Variants in THSD7B observed in about 807,000 individuals in gnomAD.
THSD7B encodes the protein thrombospondin type 1 domain containing 7B, also known as thrombospondin type-1 domain-containing protein 7B.
In THSD7B, 138 loss-of-function variants were observed where a neutral mutation model predicts 213.6. That is an observed-to-expected ratio of 0.65 (90% CI 0.56 to 0.74). THSD7B has a LOEUF of 0.74. Ranked by LOEUF, THSD7B falls within the 30% of genes least tolerant of loss-of-function variation. The pLI, the probability that THSD7B is intolerant of heterozygous loss-of-function variation, is 0.00. For missense variants in THSD7B, 1,931 were observed against 1,991.5 expected, an observed-to-expected ratio of 0.97 and a Z score of 0.58; for synonymous variants, 742 against 687.0, an observed-to-expected ratio of 1.08 and a Z score of -1.25.
chr2:136,904,269 G>A (rs1684116952), intron 2 of THSD7B, among the ~76,000 whole-genome samples: 1 of 152,102 alleles, frequency 6.6e-6, no homozygotes, highest in Non-Finnish European at 1.5e-5. Context: ...GGATAAGCCT[G>A]GGCAGTGTGG....
chr2:136,822,723 A>G (rs1682585284), intron 1 of THSD7B, among the ~76,000 whole-genome samples: 1 of 152,212 alleles, frequency 6.6e-6, no homozygotes, highest in African/African-American at 2.4e-5. Context: ...AAGATGGCCC[A>G]GGGCATACAC....
At chr2:137,052,282 A>G (rs1210337533) in intron 2 of THSD7B, among the ~76,000 whole-genome samples, 2 of 152,206 alleles carry the variant, frequency 1.3e-5, no homozygotes, top group Non-Finnish European at 2.9e-5. Flanking sequence ...TGTTTGCCCA[A>G]GTAAACAGAT....
chr2:137,386,886 T>C (rs1233576294), intron 12 of THSD7B, among the ~76,000 whole-genome samples: 1 of 152,206 alleles, frequency 6.6e-6, no homozygotes, highest in Non-Finnish European at 1.5e-5. Context: ...AGCAATTCTT[T>C]TTAAAAAATT....
chr2:137,004,858 T>G (rs1237023899), intron 2 of THSD7B, among the ~76,000 whole-genome samples: 1 of 152,240 alleles, frequency 6.6e-6, no homozygotes, highest in Non-Finnish European at 1.5e-5. Context: ...TACTGTAAAA[T>G]ATATTTTACC....
chr2:137,302,774 T>C (rs1683637409), intron 12 of THSD7B, among the ~76,000 whole-genome samples: 1 of 152,184 alleles, frequency 6.6e-6, no homozygotes, highest in Non-Finnish European at 1.5e-5. Context: ...AAAGATGTTC[T>C]TAAAAGCGAG....
At chr2:137,121,623 G>A in intron 5 of THSD7B, among the ~76,000 whole-genome samples, 1 of 152,128 alleles carries the variant, frequency 6.6e-6, no homozygotes. Context: ...TCATACTCCT[G>A]TAGGACATCA....
chr2:137,005,368 T>A (rs1024998578), intron 2 of THSD7B, among the ~76,000 whole-genome samples: 2 of 152,226 alleles, frequency 1.3e-5, no homozygotes, highest in African/African-American at 4.8e-5. Flanking sequence ...GAAAATATCA[T>A]CTGCTATCTT....
intron 2 of THSD7B, among the ~76,000 whole-genome samples, chr2:137,009,567 G>GC (rs1686185178): frequency 6.6e-6 from 1 of 152,122 alleles, no homozygotes; most frequent in South Asian, 2.1e-4. Flanking sequence ...GGCTGAGGAG[G>GC]CCTCATAATC....
intron 3 of THSD7B, among the ~76,000 whole-genome samples, chr2:137,063,739 AT>A (rs1466244754): frequency 6.6e-6 from 1 of 151,826 alleles, no homozygotes; most frequent in Non-Finnish European, 1.5e-5. Context: ...AATTGTTTTA[AT>A]TTTTCGTTGT....
chr2:137,366,637 A>G (rs1685414813), intron 12 of THSD7B, among the ~76,000 whole-genome samples: 1 of 152,054 alleles, frequency 6.6e-6, no homozygotes, highest in Non-Finnish European at 1.5e-5. Context: ...AAAAAAAAAA[A>G]TAGAAGAAAA....
rs1416924371 is a variant in THSD7B, at chr2:136,765,603, G to A, written c.-120G>A. 1 of 149,212 alleles carries A rather than the reference G, an allele frequency of 6.7e-6. No homozygotes were observed. The highest frequency in any genetic ancestry group is 1.5e-5 in the Non-Finnish European group (1 of 67,914). The allele number at this position is 149,212 out of a possible 1,614,324, so 9.2% of individuals were successfully genotyped here. A position where few individuals can be genotyped will look rare whatever the true frequency, so the allele number is the denominator to read the frequency against. ...CAGACGCTGGAATGGGTGGTCTTCC[G>A]ACACACACCACCATCTTTCTTGCGC... On this transcript the variant is annotated 5_prime_UTR_variant, in exon 1 of 28. Transcript: ENST00000409968.
At chr2:137,118,672 GT>G (rs1688487539) in intron 5 of THSD7B, among the ~76,000 whole-genome samples, 2 of 152,098 alleles carry the variant, frequency 1.3e-5, no homozygotes, top group African/African-American at 4.8e-5. Context: ...TAATAAGATT[GT>G]CTTCATTCTG....
At chr2:137,089,783 C>T (rs1687916336) in intron 3 of THSD7B, among the ~76,000 whole-genome samples, 1 of 152,060 alleles carries the variant, frequency 6.6e-6, no homozygotes, top group African/African-American at 2.4e-5. Context: ...CCAAAGAGGG[C>T]AGATCACCTG....
chr2:136,843,672 C>G (rs1682952596), intron 1 of THSD7B, among the ~76,000 whole-genome samples: 1 of 152,148 alleles, frequency 6.6e-6, no homozygotes, highest in Non-Finnish European at 1.5e-5. Flanking sequence ...TTACTGATAT[C>G]TACAGCTGAT....
chr2:137,077,750 A>G (rs1017196736), intron 3 of THSD7B, among the ~76,000 whole-genome samples: 10 of 149,662 alleles, frequency 6.7e-5, no homozygotes, highest in Non-Finnish European at 1.3e-4. Flanking sequence ...AGTAGGTTGC[A>G]AAAATTTTCT....
intron 15 of THSD7B, among the ~76,000 whole-genome samples, chr2:137,490,455 C>A (rs1169712579): frequency 2.0e-5 from 3 of 152,024 alleles, no homozygotes; most frequent in Non-Finnish European, 4.4e-5. Context: ...TTTAATTAGA[C>A]ATTATTTTTA....
chr2:136,927,379 T>G (rs1684555793), intron 2 of THSD7B, among the ~76,000 whole-genome samples: 1 of 152,226 alleles, frequency 6.6e-6, no homozygotes, highest in African/African-American at 2.4e-5. Flanking sequence ...GCAAGAATAT[T>G]AAGAAATGGT....
At chr2:137,127,394 A>G (rs1263745878) in intron 5 of THSD7B, among the ~76,000 whole-genome samples, 1 of 152,198 alleles carries the variant, frequency 6.6e-6, no homozygotes, top group African/African-American at 2.4e-5. Context: ...AACACACTGC[A>G]TACCTAATGA....
intron 12 of THSD7B, among the ~76,000 whole-genome samples, chr2:137,400,360 GC>G (rs1558784350): frequency 6.6e-6 from 1 of 151,930 alleles, no homozygotes; most frequent in African/African-American, 2.4e-5. Flanking sequence ...AGCAACAGTA[GC>G]TTCTTATTTG....
Sources: gnomAD v4.1 joint callset for allele counts (sites outside exome capture counted in the v4.1 genomes callset) on GRCh38, gnomAD v4.1.1 for gene constraint, MANE v1.5 for transcripts, NCBI Gene and HGNC (gene_info 2026-07-23, HGNC 2026-07-21) for gene names.